PLSCR2: variants seen among roughly 807,000 people sequenced by gnomAD.
PLSCR2 encodes the protein PL scramblase 2.
A neutral mutation model predicts 25.3 loss-of-function variants in PLSCR2; 18 were observed. That is an observed-to-expected ratio of 0.71 (90% CI 0.49 to 1.06). The LOEUF (loss-of-function observed/expected upper bound fraction) is 1.06. Among genes scored for constraint, PLSCR2 ranks in the 50% least tolerant of loss-of-function variants. The pLI is 0.00. For missense variants in PLSCR2, 243 were observed against 269.5 expected, an observed-to-expected ratio of 0.90 and a Z score of 0.69; for synonymous variants, 88 against 87.3, an observed-to-expected ratio of 1.01 and a Z score of -0.04.
intron 1 of PLSCR2, among the ~76,000 whole-genome samples, chr3:146,489,951 C>T (rs1468310698): frequency 1.3e-5 from 2 of 152,096 alleles, no homozygotes. Context: ...ATAGCCATCT[C>T]ACATGCAAGG....
At chr3:146,471,259 T>G (rs2042110389) in intron 1 of PLSCR2, among the ~76,000 whole-genome samples, 1 of 152,170 alleles carries the variant, frequency 6.6e-6, no homozygotes, top group African/African-American at 2.4e-5. Flanking sequence ...AAAAAAACAT[T>G]TTATTCTTTT....
chr3:146,451,664 A>T (rs1185228995), intron 5 of PLSCR2, among the ~76,000 whole-genome samples: 1 of 152,230 alleles, frequency 6.6e-6, no homozygotes, highest in East Asian at 1.9e-4. Context: ...AGCAATGCTT[A>T]GAGGATTGAA....
intron 2 of PLSCR2, among the ~76,000 whole-genome samples, chr3:146,412,041 G>A (rs985210194): frequency 6.6e-6 from 1 of 152,052 alleles, no homozygotes; most frequent in Non-Finnish European, 1.5e-5. Flanking sequence ...CCAAGATGGA[G>A]TCTGTCTGGC....
At chr3:146,407,080 G>A (rs1011424397) in intron 2 of PLSCR2, among the ~76,000 whole-genome samples, 2 of 152,126 alleles carry the variant, frequency 1.3e-5, no homozygotes, top group South Asian at 2.1e-4. Context: ...TCTAAGTAGG[G>A]CTAAAAGAAG....
At chr3:146,474,281 T>C (rs1034574288) in intron 1 of PLSCR2, among the ~76,000 whole-genome samples, 2 of 152,146 alleles carry the variant, frequency 1.3e-5, no homozygotes, top group African/African-American at 4.8e-5. Flanking sequence ...CTCTTCTGCA[T>C]GGAGGGTTTT....
At chr3:146,412,388 AGCTTCCATG>A (rs1331117447) in intron 2 of PLSCR2, among the ~76,000 whole-genome samples, 1 of 152,066 alleles carries the variant, frequency 6.6e-6, no homozygotes, top group African/African-American at 2.4e-5. Flanking sequence ...TCTACATGGA[AGCTTCCATG>A]GCTCCACAGC....
At chr3:146,409,297 G>C (rs1482366632) in intron 2 of PLSCR2, among the ~76,000 whole-genome samples, 1 of 152,126 alleles carries the variant, frequency 6.6e-6, no homozygotes, top group African/African-American at 2.4e-5. Flanking sequence ...GAGACATGGG[G>C]TGACCCTAAG....
upstream of PLSCR2, among the ~76,000 whole-genome samples, chr3:146,460,569 T>C (rs1370881076): frequency 6.6e-6 from 1 of 151,866 alleles, no homozygotes; most frequent in Non-Finnish European, 1.5e-5. Flanking sequence ...TAGAAGTCAA[T>C]GGGGAGATGG....
chr3:146,466,773 T>C (rs2041890945), intron 1 of PLSCR2, among the ~76,000 whole-genome samples: 1 of 152,234 alleles, frequency 6.6e-6, no homozygotes, highest in Admixed American at 6.5e-5. Flanking sequence ...ACTAGCTGAA[T>C]TGAAATTATT....
In PLSCR2 at chr3:146,478,378, C is replaced by T. The variant is rs562581144; in HGVS notation, c.-293+17517G>A. Among the ~76,000 whole-genome samples, 5 of 152,212 alleles carry T rather than the reference C, an allele frequency of 3.3e-5. No homozygotes were observed. In the East Asian group the frequency reaches 9.7e-4, roughly 29 times the overall value. Reference sequence around the variant, plus strand: ...TAGATGAATGGCTAACTAGAAAAAACAGTGTAGAGAAAACCCTAAATGAAC... The same window carrying T: ...TAGATGAATGGCTAACTAGAAAAAATAGTGTAGAGAAAACCCTAAATGAAC... On this transcript the variant is annotated intron_variant, in intron 1 of 8. Transcript: ENST00000336685.
chr3:146,414,121 C>T (rs910714491), intron 2 of PLSCR2, among the ~76,000 whole-genome samples: 1 of 152,028 alleles, frequency 6.6e-6, no homozygotes, highest in Non-Finnish European at 1.5e-5. Context: ...TCAGATGCAT[C>T]CTTTTATCAG....
At chr3:146,405,335 T>C (rs902924398) in intron 2 of PLSCR2, among the ~76,000 whole-genome samples, 4 of 152,270 alleles carry the variant, frequency 2.6e-5, no homozygotes, top group Admixed American at 6.5e-5. Flanking sequence ...ATTGCGGATA[T>C]AGCTTGCCAC....
intron 8 of PLSCR2, among the ~76,000 whole-genome samples, chr3:146,436,117 G>C (rs569328477): frequency 6.6e-6 from 1 of 152,250 alleles, no homozygotes; most frequent in African/African-American, 2.4e-5. Flanking sequence ...GCTCTGTTCT[G>C]TTCCATTGGT....
chr3:146,471,081 A>G (rs1474435093), intron 1 of PLSCR2, among the ~76,000 whole-genome samples: 2 of 152,002 alleles, frequency 1.3e-5, no homozygotes, highest in Non-Finnish European at 2.9e-5. Context: ...TATTTTATAC[A>G]GCTCTTCTCT....
chr3:146,462,472 T>G (rs2041646660), upstream of PLSCR2, among the ~76,000 whole-genome samples: 1 of 106,814 alleles, frequency 9.4e-6, no homozygotes, highest in African/African-American at 5.2e-5. Flanking sequence ...TTCTTTCTTT[T>G]TTTTTTTTTG....
exon 4 of PLSCR2, chr3:146,455,401 C>G: frequency 6.2e-7 from 1 of 1,613,706 alleles, no homozygotes; most frequent in Non-Finnish European, 8.5e-7. Context: ...CAAAATAAAT[C>G]CTCTGCCCAA....
At chr3:146,421,766 C>A (rs2039161699) in intron 2 of PLSCR2, among the ~76,000 whole-genome samples, 1 of 152,096 alleles carries the variant, frequency 6.6e-6, no homozygotes, top group South Asian at 2.1e-4. Context: ...GGTGTGACAA[C>A]ACAATTGGTA....
intron 1 of PLSCR2, among the ~76,000 whole-genome samples, chr3:146,469,953 C>CG (rs891670673): frequency 6.6e-5 from 10 of 152,132 alleles, no homozygotes; most frequent in African/African-American, 2.4e-4. Flanking sequence ...AATCATCAGG[C>CG]GGGGAGTGGC....
At chr3:146,402,390 T>C (rs1339496066) in intron 2 of PLSCR2, among the ~76,000 whole-genome samples, 1 of 152,186 alleles carries the variant, frequency 6.6e-6, no homozygotes, top group Non-Finnish European at 1.5e-5. Context: ...TGGATGACTT[T>C]TTTCTCTCAC....
Sources: gnomAD v4.1 joint callset for allele counts (sites outside exome capture counted in the v4.1 genomes callset) on GRCh38, gnomAD v4.1.1 for gene constraint, MANE v1.5 for transcripts, NCBI Gene and HGNC (gene_info 2026-07-23, HGNC 2026-07-21) for gene names.